Variants in SLC37A1 observed in about 807,000 individuals in gnomAD.
SLC37A1 encodes the protein glucose-6-phosphate exchanger SLC37A1.
Under a neutral mutation model 75.3 loss-of-function variants are expected in SLC37A1, and 49 were observed. That is an observed-to-expected ratio of 0.65 (90% CI 0.52 to 0.83). The LOEUF (loss-of-function observed/expected upper bound fraction) is 0.83. Among genes scored for constraint, SLC37A1 ranks in the 40% least tolerant of loss-of-function variants. The probability of loss-of-function intolerance (pLI) is 0.00; values close to 1 mark genes in which losing one functional copy is unlikely to be tolerated. For synonymous variants in SLC37A1, 268 were observed against 292.1 expected, an observed-to-expected ratio of 0.92 and a Z score of 0.84; for missense variants, 566 against 695.0, an observed-to-expected ratio of 0.81 and a Z score of 2.09.
chr21:42,504,281 C>G (rs1404208418), intron 2 of SLC37A1, among the ~76,000 whole-genome samples: 1 of 152,114 alleles, frequency 6.6e-6, no homozygotes, highest in African/African-American at 2.4e-5. Context: ...CATCTTGGCC[C>G]TGGTCTCAGT....
chr21:42,531,797 A>T (rs770030138), intron 3 of SLC37A1, among the ~76,000 whole-genome samples: 7 of 152,090 alleles, frequency 4.6e-5, no homozygotes, highest in Non-Finnish European at 1.0e-4. Flanking sequence ...GTTGTTGAAA[A>T]CCTGTGGTTA....
chr21:42,538,843 C>G (rs1480858123), intron 5 of SLC37A1, among the ~76,000 whole-genome samples: 2 of 152,206 alleles, frequency 1.3e-5, no homozygotes, highest in African/African-American at 2.4e-5. Flanking sequence ...CCAGACAGCT[C>G]TAGAAGATAA....
intron 16 of SLC37A1, 33 bp from the exon 17 acceptor site, chr21:42,568,327 G>A (rs7280392): frequency 0.57 from 901,223 of 1,571,818 alleles, 266,840 homozygotes; most frequent in Admixed American, 0.72. Flanking sequence ...ATGCTGTGGC[G>A]ATAACTGCAC....
At chr21:42,572,462 T>C (rs1200525686) in intron 17 of SLC37A1, among the ~76,000 whole-genome samples, 1 of 148,582 alleles carries the variant, frequency 6.7e-6, no homozygotes, top group South Asian at 2.4e-4. Flanking sequence ...AACTTTCCTT[T>C]CTTTCTTTCC....
chr21:42,568,366 C>CTTAT lies in SLC37A1; in HGVS notation c.1351_1352insTTAT (p.His451LeufsTer3). 1 of 1,613,980 alleles carries CTTAT rather than the reference C, an allele frequency of 6.2e-7. No individual in the cohort carries two copies. The highest frequency in any genetic ancestry group is 8.5e-7 in the Non-Finnish European group (1 of 1,179,926). The stretch of plus-strand genomic sequence containing the variant: ...TGTTTTTCCTCTCTTCTAGGGGACT[C>CTTAT]ATAAAAGTCTGAAAGGCAACGCGCA... On this transcript the variant is annotated frameshift_variant, in exon 17 of 20. Coordinates refer to ENST00000352133, the MANE Select transcript of SLC37A1 (RefSeq NM_001320537.2). LOFTEE classifies it high-confidence loss of function.
intron 18 of SLC37A1, chr21:42,575,857 G>C (rs2056296937): frequency 1.0e-6 from 1 of 985,132 alleles, no homozygotes; most frequent in Non-Finnish European, 1.2e-6. Flanking sequence ...GCTGTTCTTT[G>C]GATCATCTGT....
chr21:42,558,760 C>T (rs2055752006), intron 10 of SLC37A1, among the ~76,000 whole-genome samples, 198 bp from the exon 11 acceptor site: 1 of 152,130 alleles, frequency 6.6e-6, no homozygotes, highest in African/African-American at 2.4e-5. Context: ...GATCTGTGTA[C>T]CTAGCCGTTC....
intron 16 of SLC37A1, 84 bp from the exon 17 acceptor site, chr21:42,568,276 G>A (rs1380387704): frequency 1.8e-6 from 2 of 1,082,776 alleles, no homozygotes; most frequent in Non-Finnish European, 2.8e-6. Context: ...TTGCAGAGCA[G>A]TTTGAGTAAA....
In SLC37A1 at chr21:42,513,893, T is replaced by C. The variant is rs2054470095; in HGVS notation, c.-1003T>C. On this transcript the variant is annotated 5_prime_UTR_variant, in exon 1 of 20. Coordinates refer to ENST00000352133, the MANE Select transcript of SLC37A1 (RefSeq NM_001320537.2). Reference sequence around the variant, plus strand: ...AGCGCCCGCGGCGGCCGGGCCGGGCTGGGCTGCGGAGCGCGGGCCTCGGCG... The same window carrying C: ...AGCGCCCGCGGCGGCCGGGCCGGGCCGGGCTGCGGAGCGCGGGCCTCGGCG... 1 of 145,514 alleles carries C rather than the reference T, an allele frequency of 6.9e-6. No individual in the cohort carries two copies. Among genetic ancestry groups the C allele is most frequent in the South Asian group, 1.9e-4 (1 of 5,300 alleles). 9.0% of individuals were successfully genotyped at this position (145,514 alleles called of 1,614,324 possible). A position where few individuals can be genotyped will look rare whatever the true frequency, so the allele number is the denominator to read the frequency against.
At position 42,534,729 on chromosome 21, in the gene SLC37A1, A is replaced by G; in HGVS notation, c.170A>G (p.Asp57Gly). The G allele has an allele frequency of 6.2e-7, 1 of 1,613,882 alleles. No homozygotes were observed. The highest frequency in any genetic ancestry group is 2.2e-5 in the East Asian group (1 of 44,862). Reference protein sequence around the residue: ...GELHKYCTAWDEADVRFSSQN... With the variant: ...GELHKYCTAWGEADVRFSSQN... The stretch of plus-strand genomic sequence containing the variant: ...CTCCACAAGTACTGCACTGCTTGGG[A>G]TGAAGCTGACGTCAGGTTCAGCAGC... Residue 57 changes from aspartate (D) to glycine (G), a missense_variant, in exon 4 of 20, where the codon GAT becomes GGT. By Grantham distance (94) the Asp-to-Gly change is moderately conservative. Transcript: ENST00000352133.
chr21:42,511,470 G>A (rs77166281), upstream of SLC37A1, among the ~76,000 whole-genome samples: 1,176 of 152,282 alleles, frequency 7.7e-3, 15 homozygotes, highest in African/African-American at 0.027. Context: ...CATTACACTA[G>A]GTGAAATAAG....
rs779794388 is a variant in SLC37A1 at position 42,535,461 on chromosome 21, A to G, written c.272-11A>G. 1.2e-6 allele frequency: 2 copies of G among 1,612,404 alleles called. No individual in the cohort carries two copies. Among genetic ancestry groups the G allele is most frequent in the African/African-American group, 2.7e-5 (2 of 74,886 alleles). ...ACTGAGCTTGTCCTGCTGGTTTTCA[A>G]ATTCATATAGATAAGAACAACTATC... On this transcript the variant is annotated splice_polypyrimidine_tract_variant and intron_variant, in intron 4 of 19. Transcript: ENST00000352133.
At position 42,539,584 on chromosome 21, in the gene SLC37A1, C is replaced by T. The variant is rs370230189; in HGVS notation, c.423C>T (p.Thr141=). The stretch of plus-strand genomic sequence containing the variant: ...GGATGCTCGCCAGCGGAGCCTTCAC[C>T]GCCCTGTTCGGCTTAGGGTATTTCT... ...TFGMLASGAF[T]ALFGLGYFYN... The change falls in exon 6 of 20, where the codon ACC becomes ACT. Residue 141 remains threonine, a synonymous_variant. Coordinates refer to ENST00000352133, the MANE Select transcript of SLC37A1 (RefSeq NM_001320537.2). 23 of 1,613,900 alleles carry T rather than the reference C, an allele frequency of 1.4e-5. No individual in the cohort carries two copies. The highest frequency in any genetic ancestry group is 9.3e-5 in the African/African-American group (7 of 74,934).
At chr21:42,543,731 CTCT>C (rs2146889600) in intron 8 of SLC37A1, 129 bp downstream of exon 8, 2 of 877,358 alleles carry the variant, frequency 2.3e-6, no homozygotes, top group South Asian at 3.9e-5. Flanking sequence ...TGCCTCAGCG[CTCT>C]TCTTACCAGG....
At chr21:42,563,702 A>T (rs1231717423) in intron 12 of SLC37A1, 113 bp from the exon 13 acceptor site, 3 of 899,678 alleles carry the variant, frequency 3.3e-6, no homozygotes. Flanking sequence ...CCTCGGTATA[A>T]ATCAAGCTTA....
chr21:42,574,202 T>A (rs1320570897), intron 17 of SLC37A1, among the ~76,000 whole-genome samples: 1 of 152,236 alleles, frequency 6.6e-6, no homozygotes, highest in African/African-American at 2.4e-5. Flanking sequence ...AAAGTGAGCA[T>A]TGAAAGAATA....
At chr21:42,542,825 G>A (rs1169297745) in intron 7 of SLC37A1, among the ~76,000 whole-genome samples, 2 of 152,268 alleles carry the variant, frequency 1.3e-5, no homozygotes, top group African/African-American at 4.8e-5. Flanking sequence ...GGGAAGTCCC[G>A]ACCTGGGTCA....
At chr21:42,571,538 C>T (rs1423671719) in intron 17 of SLC37A1, among the ~76,000 whole-genome samples, 1 of 152,116 alleles carries the variant, frequency 6.6e-6, no homozygotes, top group African/African-American at 2.4e-5. Flanking sequence ...CCTCCCCAGC[C>T]CTCTCTTTCT....
chr21:42,542,439 C>T lies in SLC37A1; in HGVS notation c.522C>T (p.Pro174=). ...INGLVQTTGW[P]SVVTCLGNWF... is the part of the protein sequence containing the mutation. ...GGCTGGTGCAGACCACCGGCTGGCC[C>T]AGCGTCGTCACCTGCCTCGGCAACT... The change falls in exon 7 of 20, where the codon CCC becomes CCT. Residue 174 remains proline, a synonymous_variant. Coordinates refer to ENST00000352133, the MANE Select transcript of SLC37A1 (RefSeq NM_001320537.2). 1 of 1,614,002 alleles carries T rather than the reference C, an allele frequency of 6.2e-7. No individual in the cohort carries two copies. Among genetic ancestry groups the T allele is most frequent in the Non-Finnish European group, 8.5e-7 (1 of 1,179,938 alleles).
Sources: gnomAD v4.1 joint callset for allele counts (sites outside exome capture counted in the v4.1 genomes callset) on GRCh38, gnomAD v4.1.1 for gene constraint, MANE v1.5 for transcripts, NCBI Gene and HGNC (gene_info 2026-07-23, HGNC 2026-07-21) for gene names.